KRT78: variants seen among roughly 807,000 people sequenced by gnomAD.
KRT78 encodes the protein keratin, type II cytoskeletal 78.
Under a neutral mutation model 51.4 loss-of-function variants are expected in KRT78, and 55 were observed. The observed-to-expected ratio is 1.07, with a 90% CI of 0.86 to 1.34. KRT78 has a LOEUF of 1.34. Ranked by LOEUF, KRT78 falls within the 40% of genes most tolerant of loss-of-function variation. The probability of loss-of-function intolerance (pLI) is 0.00; values close to 1 mark genes in which losing one functional copy is unlikely to be tolerated. For synonymous variants in KRT78, 291 were observed against 264.3 expected, an observed-to-expected ratio of 1.10 and a Z score of -0.98; for missense variants, 652 against 649.4, an observed-to-expected ratio of 1.00 and a Z score of -0.04.
intron 2 of KRT78, 62 bp from the exon 3 acceptor site, chr12:52,846,886 G>T (rs1388852710): frequency 2.4e-6 from 3 of 1,269,868 alleles, no homozygotes; most frequent in Non-Finnish European, 3.4e-6. Context: ...ATGCCCCCAT[G>T]TCCGAGCATG....
In KRT78 at chr12:52,846,801, C is replaced by T. The variant is rs368302097; in HGVS notation, c.623G>A (p.Arg208His). ...KSKYEEEAHR[R>H]ATLENDFVVL... Reference sequence around the variant, plus strand: ...CACAAAGTCGTTCTCAAGTGTGGCACGCCTGTGGGCCTCCTCCTCATACCT... The same window carrying T: ...CACAAAGTCGTTCTCAAGTGTGGCATGCCTGTGGGCCTCCTCCTCATACCT... Residue 208 changes from arginine (R) to histidine (H), a missense_variant, in exon 3 of 9, where the codon CGT becomes CAT. Transcript: ENST00000304620. 48 of 1,613,712 alleles carry T rather than the reference C, an allele frequency of 3.0e-5. No individual in the cohort carries two copies. The highest frequency in any genetic ancestry group is 1.3e-4 in the East Asian group (6 of 44,880).
intron 5 of KRT78, 146 bp downstream of exon 5, chr12:52,844,413 G>A: frequency 8.4e-7 from 1 of 1,183,454 alleles, no homozygotes; most frequent in African/African-American, 1.5e-5. Context: ...CCTCCTGGAG[G>A]GGAAATGGCC....
chr12:52,843,645 C>T (rs1264693534), intron 6 of KRT78, among the ~76,000 whole-genome samples: 11 of 143,466 alleles, frequency 7.7e-5, no homozygotes, highest in Admixed American at 1.4e-4. Flanking sequence ...GCCAAGATCA[C>T]GCCACTGAAC....
Position 52,848,655 on chromosome 12 carries a change from C to A in KRT78, c.276G>T (p.Leu92=), listed in dbSNP as rs1042813089. The A allele has an allele frequency of 1.2e-6, 2 of 1,613,822 alleles. No individual in the cohort carries two copies. The highest frequency in any genetic ancestry group is 4.5e-5 in the East Asian group (2 of 44,884). Residue 92 remains leucine (L), a synonymous_variant, in exon 1 of 9, where the codon CTG becomes CTT. Transcript: ENST00000304620. Reference sequence around the variant, plus strand: ...CGATCTCAATCTTCAGTGGGGTCAGCAGATTCTGGTTGATGGTCACTTCTT... The same window carrying A: ...CGATCTCAATCTTCAGTGGGGTCAGAAGATTCTGGTTGATGGTCACTTCTT... The part of the protein sequence containing the change: ...GIQEVTINQN[L]LTPLKIEIDP...
At chr12:52,843,356 ACT>A (rs1403385215) in intron 6 of KRT78, among the ~76,000 whole-genome samples, 1 of 143,934 alleles carries the variant, frequency 6.9e-6, no homozygotes, top group Non-Finnish European at 1.5e-5. Context: ...GTGGAGTAAG[ACT>A]CTGTCTCAAA....
rs937878819 is a variant in KRT78 at position 52,845,955 on chromosome 12, A to G, written c.756+242T>C. On this transcript the variant is annotated intron_variant, in intron 4 of 8. Transcript: ENST00000304620. ...GCAACTGAGCAAGATTCCATCTCAA[A>G]AAAAAAAAAAAGCAATTTTTTTATC... is the stretch of plus-strand genomic sequence containing the variant. The G allele has an allele frequency of 1.6e-5, 7 of 443,022 alleles. No individual in the cohort carries two copies. The East Asian group carries it at 2.7e-4, about 17-fold the overall frequency. 27.4% of individuals were successfully genotyped at this position (443,022 alleles called of 1,614,324 possible).
intron 3 of KRT78, 103 bp downstream of exon 3, chr12:52,846,661 G>T: frequency 9.6e-7 from 1 of 1,041,596 alleles, no homozygotes; most frequent in Non-Finnish European, 1.5e-6. Flanking sequence ...GTGATAGCCT[G>T]TCCTAAATCA....
In KRT78 at chr12:52,844,174, C is replaced by T. The variant is rs1592145505; in HGVS notation, c.966G>A (p.Met322Ile). The T allele has an allele frequency of 1.9e-6, 3 of 1,610,996 alleles. No homozygotes were observed. Among genetic ancestry groups the T allele is most frequent in the African/African-American group, 2.7e-5 (2 of 74,568 alleles). ...GAGAGATCTGGACTTTCGTTTCCTGCATCCTGTCCCCATGAAGCTGGGCAG... is the reference window on the plus strand; with the variant it reads ...GAGAGATCTGGACTTTCGTTTCCTGTATCCTGTCCCCATGAAGCTGGGCAG... ...QVSAQLHGDR[M>I]QETKVQISQL... is the part of the protein sequence containing the mutation. Residue 322 changes from methionine (M) to isoleucine (I), a missense_variant, in exon 6 of 9, where the codon ATG becomes ATA. Met to Ile is a conservative substitution (Grantham distance 10). Transcript: ENST00000304620.
At chr12:52,848,172 C>A (rs1032373112) in intron 1 of KRT78, 51 bp from the exon 2 acceptor site, 2 of 1,592,618 alleles carry the variant, frequency 1.3e-6, no homozygotes, top group Non-Finnish European at 1.7e-6. Context: ...TCCCTGTGCA[C>A]AGCCTCTGGA....
At position 52,848,725 on chromosome 12, in the gene KRT78, C is replaced by T; in HGVS notation, c.206G>A (p.Trp69Ter). 6.2e-7 allele frequency: 1 copy of T among 1,612,662 alleles called. No homozygotes were observed. The highest frequency in any genetic ancestry group is 1.1e-5 in the South Asian group (1 of 90,888). Reference sequence around the variant, plus strand: ...CAGGGAGAGCCCAGGCCCACCACTCCACTCCCCAAACCGCACCCCCAGCCT... The same window carrying T: ...CAGGGAGAGCCCAGGCCCACCACTCTACTCCCCAAACCGCACCCCCAGCCT... ...GGRLGVRFGEWSGGPGLSLCP... is the reference protein window; with the variant it reads ...GGRLGVRFGE The change falls in exon 1 of 9, where the codon TGG becomes TAG. Residue 69 changes from tryptophan (W) to a stop codon, truncating the protein, a stop_gained. Coordinates refer to ENST00000304620, the MANE Select transcript of KRT78 (RefSeq NM_173352.4). LOFTEE classifies it high-confidence loss of function.
At chr12:52,843,528 G>A (rs1364812881) in intron 6 of KRT78, among the ~76,000 whole-genome samples, 4 of 138,854 alleles carry the variant, frequency 2.9e-5, no homozygotes, top group South Asian at 2.3e-4. Flanking sequence ...CGTCCCTACT[G>A]AAAATGCAAA....
At chr12:52,846,963 C>T in intron 2 of KRT78, 139 bp from the exon 3 acceptor site, 1 of 652,398 alleles carries the variant, frequency 1.5e-6, no homozygotes, top group East Asian at 2.7e-5. Context: ...CCCTTCTCTC[C>T]TTTCCTGCCA....
chr12:52,839,668 A>G, intron 7 of KRT78, 96 bp downstream of exon 7: 1 of 1,363,710 alleles, frequency 7.3e-7, no homozygotes, highest in Admixed American at 1.8e-5. Context: ...ATGTCAGGAA[A>G]TCTCTCAGAA....
intron 2 of KRT78, among the ~76,000 whole-genome samples, chr12:52,847,257 A>G (rs914740728): frequency 4.6e-5 from 7 of 152,100 alleles, no homozygotes; most frequent in Non-Finnish European, 1.0e-4. Context: ...CATTATCCCA[A>G]TAGCCCTGGG....
chr12:52,839,539 G>A (rs748463296), intron 7 of KRT78, 52 bp from the exon 8 acceptor site: 24 of 1,495,058 alleles, frequency 1.6e-5, no homozygotes, highest in Non-Finnish European at 2.1e-5. Flanking sequence ...TACAAAGAAT[G>A]CATCCCCACG....
At chr12:52,842,963 A>AG (rs1359058069) in intron 6 of KRT78, among the ~76,000 whole-genome samples, 14 of 25,090 alleles carry the variant, frequency 5.6e-4, no homozygotes, top group African/African-American at 2.9e-3. Flanking sequence ...GAGAGAGAGG[A>AG]AGGAAGGAAG....
chr12:52,839,638 G>C, intron 7 of KRT78, 126 bp downstream of exon 7: 2 of 1,279,530 alleles, frequency 1.6e-6, no homozygotes, highest in East Asian at 4.9e-5. Context: ...TGCAGCGTCG[G>C]TTGCCCTTAG....
At position 52,839,333 on chromosome 12, in the gene KRT78, C is replaced by G; in HGVS notation, c.1343G>C (p.Gly448Ala). Reference sequence around the variant, plus strand: ...TCCACAAGTGCTCCCCAAGCCTCCACCAACTCCTCCAGACATGACAGCGCT... The same window carrying G: ...TCCACAAGTGCTCCCCAAGCCTCCAGCAACTCCTCCAGACATGACAGCGCT... ...GGSAVMSGGV[G>A]GGLGSTCGLG... Residue 448 changes from glycine (G) to alanine (A), a missense_variant, in exon 9 of 9, where the codon GGT becomes GCT. By Grantham distance (60) the Gly-to-Ala change is moderately conservative. Coordinates refer to ENST00000304620, the MANE Select transcript of KRT78 (RefSeq NM_173352.4). The G allele has an allele frequency of 6.2e-7, 1 of 1,614,028 alleles. No individual in the cohort carries two copies. Among genetic ancestry groups the G allele is most frequent in the Non-Finnish European group, 8.5e-7 (1 of 1,179,990 alleles).
intron 6 of KRT78, among the ~76,000 whole-genome samples, chr12:52,842,973 GGAAGGAAGGAAGGA>G (rs1565698779): frequency 1.5e-5 from 1 of 68,476 alleles, no homozygotes; most frequent in African/African-American, 8.1e-5. Flanking sequence ...AAGGAAGGAA[GGAAGGAAGGAAGGA>G]AGGAAGGAAG....
Sources: allele counts gnomAD v4.1 joint callset (sites outside exome capture counted in the v4.1 genomes callset), GRCh38; gene constraint gnomAD v4.1.1; transcripts MANE v1.5; gene names NCBI Gene and HGNC (gene_info 2026-07-23, HGNC 2026-07-21).